The following GNAZ variants were observed in gnomAD, a reference collection of about 807,000 sequenced individuals.
The protein encoded by GNAZ is G protein subunit alpha z, also known as guanine nucleotide-binding protein G(z) subunit alpha.
A neutral mutation model predicts 25.4 loss-of-function variants in GNAZ; 3 were observed. The ratio of observed to expected loss-of-function variants is 0.12; its 90% CI spans 0.05 to 0.30. GNAZ has a LOEUF of 0.30. Among genes scored for constraint, GNAZ ranks in the 10% least tolerant of loss-of-function variants. The probability of loss-of-function intolerance (pLI) is 1.00; values close to 1 mark genes in which losing one functional copy is unlikely to be tolerated. For synonymous variants in GNAZ, 211 were observed against 205.7 expected (o/e 1.03, Z -0.22); for missense variants, 241 against 501.8 (o/e 0.48, Z 4.97).
intron 1 of GNAZ, among the ~76,000 whole-genome samples, chr22:23,074,459 T>A (rs1299291613): frequency 1.3e-5 from 2 of 152,198 alleles, no homozygotes; most frequent in East Asian, 3.9e-4. Flanking sequence ...AAAAACCCAT[T>A]CTGGAGAGGT....
At chr22:23,113,946 C>T (rs898017023) in intron 2 of GNAZ, among the ~76,000 whole-genome samples, 2 of 152,268 alleles carry the variant, frequency 1.3e-5, no homozygotes, top group African/African-American at 4.8e-5. Flanking sequence ...CCTCCAGCCA[C>T]ACCCTGCCCA....
intron 2 of GNAZ, among the ~76,000 whole-genome samples, chr22:23,107,127 T>A (rs1211231195): frequency 6.6e-6 from 1 of 152,178 alleles, no homozygotes; most frequent in Non-Finnish European, 1.5e-5. Flanking sequence ...GCCCTTGCTG[T>A]TTGAGGTGCC....
rs1294550643 is a variant in GNAZ at position 23,106,640 on chromosome 22, CAT to C, written c.723+10223_723+10224del. On this transcript the variant is annotated intron_variant, in intron 2 of 2. Transcript: ENST00000615612. The stretch of plus-strand genomic sequence containing the variant: ...TCTGAAGGCTCAGGCTGTAGGATAA[CAT>C]GTGTGTGCTGGCTGACAACAGAATA... Among the ~76,000 whole-genome samples the C allele has an allele frequency of 5.3e-5, 8 of 152,360 alleles. No individual in the cohort carries two copies. The South Asian group carries it at 8.3e-4, about 16-fold the overall frequency.
intron 2 of GNAZ, among the ~76,000 whole-genome samples, chr22:23,115,982 C>T (rs1469601829): frequency 6.6e-6 from 1 of 152,226 alleles, no homozygotes; most frequent in Non-Finnish European, 1.5e-5. Context: ...CCAGGCCAAG[C>T]ACACCAGGAA....
In GNAZ at chr22:23,123,695, C is replaced by G. The variant is rs1329439876; in HGVS notation, c.*264C>G. 6 of 494,448 alleles carry G rather than the reference C, an allele frequency of 1.2e-5. No individual in the cohort carries two copies. The East Asian group carries it at 1.4e-4, about 11-fold the overall frequency. 30.6% of individuals were successfully genotyped at this position (494,448 alleles called of 1,614,324 possible). A position where few individuals can be genotyped will look rare whatever the true frequency, so the allele number is the denominator to read the frequency against. ...CTAAAATGTCGAGGTCTCTTGAAGA[C>G]TTGAGAAGCTGTCACAAGGTCACTA... On this transcript the variant is annotated 3_prime_UTR_variant, in exon 3 of 3. Transcript: ENST00000615612.
chr22:23,085,665 C>A (rs1429650924), intron 1 of GNAZ, among the ~76,000 whole-genome samples: 1 of 152,198 alleles, frequency 6.6e-6, no homozygotes, highest in Non-Finnish European at 1.5e-5. Flanking sequence ...ATCCCTTCAA[C>A]ACCAGTACCA....
intron 1 of GNAZ, among the ~76,000 whole-genome samples, chr22:23,084,981 A>G (rs912749881): frequency 7.9e-5 from 12 of 152,152 alleles, no homozygotes; most frequent in Admixed American, 7.9e-4. Context: ...AGGAGGCCAT[A>G]CCAACCCCCA....
chr22:23,089,443 C>G (rs2068902711), intron 1 of GNAZ, among the ~76,000 whole-genome samples: 1 of 152,130 alleles, frequency 6.6e-6, no homozygotes, highest in Admixed American at 6.5e-5. Flanking sequence ...TTATGTTGCC[C>G]CAGCTCTATG....
intron 2 of GNAZ, among the ~76,000 whole-genome samples, chr22:23,111,792 C>T (rs1262647519): frequency 1.3e-5 from 2 of 152,212 alleles, no homozygotes; most frequent in Non-Finnish European, 2.9e-5. Context: ...GGGCAAGCCC[C>T]TTTGGACTTA....
chr22:23,088,391 C>T (rs1480494847), intron 1 of GNAZ, among the ~76,000 whole-genome samples: 1 of 152,212 alleles, frequency 6.6e-6, no homozygotes, highest in Admixed American at 6.5e-5. Context: ...GCCTGGAGAT[C>T]TGTCACTGCG....
chr22:23,101,938 G>A (rs1219567215), intron 2 of GNAZ, among the ~76,000 whole-genome samples: 4 of 152,156 alleles, frequency 2.6e-5, no homozygotes, highest in African/African-American at 9.7e-5. Context: ...TCCCCAGCCC[G>A]CATCCCTCTC....
chr22:23,098,585 C>G (rs1169655514), intron 2 of GNAZ, among the ~76,000 whole-genome samples: 1 of 152,220 alleles, frequency 6.6e-6, no homozygotes, highest in African/African-American at 2.4e-5. Context: ...GCTGGCACAC[C>G]CACCACCATC....
intron 1 of GNAZ, among the ~76,000 whole-genome samples, chr22:23,085,298 C>T (rs2068787382): frequency 6.6e-6 from 1 of 152,214 alleles, no homozygotes; most frequent in Non-Finnish European, 1.5e-5. Context: ...TGCTCACCAT[C>T]TCCCCAGCGA....
At chr22:23,100,056 A>G (rs2069250134) in intron 2 of GNAZ, among the ~76,000 whole-genome samples, 1 of 152,252 alleles carries the variant, frequency 6.6e-6, no homozygotes, top group Admixed American at 6.5e-5. Flanking sequence ...TTCCCGACGG[A>G]GCTGTCAGCA....
At chr22:23,096,938 T>G (rs904959291) in intron 2 of GNAZ, among the ~76,000 whole-genome samples, 4 of 152,170 alleles carry the variant, frequency 2.6e-5, no homozygotes, top group Non-Finnish European at 4.4e-5. Context: ...GGACCCAGTG[T>G]GAAGCGGTGG....
At position 23,123,433 on chromosome 22, in the gene GNAZ, G is replaced by A. The variant is rs577560409; in HGVS notation, c.*2G>A. ...CTCAAGTACATTGGCCTTTGCTGAG[G>A]AGCTGGGCCCGGGGCCCGCCTGCCT... is the stretch of plus-strand genomic sequence containing the variant. On this transcript the variant is annotated 3_prime_UTR_variant, in exon 3 of 3. Transcript: ENST00000615612. 7 of 1,600,930 alleles carry A rather than the reference G, an allele frequency of 4.4e-6. No individual in the cohort carries two copies. In the South Asian group the frequency reaches 6.6e-5, roughly 15 times the overall value.
intron 1 of GNAZ, among the ~76,000 whole-genome samples, chr22:23,079,876 C>T (rs944383554): frequency 4.6e-5 from 7 of 152,190 alleles, no homozygotes; most frequent in Non-Finnish European, 7.3e-5. Flanking sequence ...GTGGACACCA[C>T]TCATGCCCCT....
Position 23,095,561 on chromosome 22 carries a change from G to A in GNAZ, c.-135G>A, listed in dbSNP as rs548005504. 46 of 951,438 alleles carry A rather than the reference G, an allele frequency of 4.8e-5. No homozygotes were observed. In the East Asian group the frequency reaches 6.6e-4, roughly 14 times the overall value. The allele number at this position is 951,438 out of a possible 1,614,324, so 58.9% of individuals were successfully genotyped here. A position where few individuals can be genotyped will look rare whatever the true frequency, so the allele number is the denominator to read the frequency against. On this transcript the variant is annotated 5_prime_UTR_variant, in exon 2 of 3. Coordinates refer to ENST00000615612, the MANE Select transcript of GNAZ (RefSeq NM_002073.4). The stretch of plus-strand genomic sequence containing the variant: ...TGGGGCAGGGGCTGCAGTGTGGCTC[G>A]GCCTCACCCCCCTGCTGGCACTGAG...
At chr22:23,086,220 G>A (rs1254124342) in intron 1 of GNAZ, among the ~76,000 whole-genome samples, 1 of 152,230 alleles carries the variant, frequency 6.6e-6, no homozygotes, top group African/African-American at 2.4e-5. Flanking sequence ...GCCAGGTTAG[G>A]CAGGCTGCAG....
Sources: allele counts gnomAD v4.1 joint callset (sites outside exome capture counted in the v4.1 genomes callset), GRCh38; gene constraint gnomAD v4.1.1; transcripts MANE v1.5; gene names NCBI Gene and HGNC (gene_info 2026-07-23, HGNC 2026-07-21).